LRRC4C: variants seen among roughly 807,000 people sequenced by gnomAD.
LRRC4C encodes leucine rich repeat containing 4C, also known as leucine-rich repeat-containing protein 4C.
Under a neutral mutation model 33.6 loss-of-function variants are expected in LRRC4C, and 5 were observed. The observed-to-expected ratio is 0.15, with a 90% confidence interval of 0.08 to 0.31. LRRC4C has a LOEUF of 0.31. Ranked by LOEUF, LRRC4C falls within the 10% of genes least tolerant of loss-of-function variation. LRRC4C has a pLI of 1.00. For synonymous variants in LRRC4C, 329 were observed against 302.0 expected (o/e 1.09, Z -0.93); for missense variants, 560 against 796.7 (o/e 0.70, Z 3.58).
chr11:41,126,685 A>G (rs1364854681), intron 1 of LRRC4C, among the ~76,000 whole-genome samples: 1 of 151,900 alleles, frequency 6.6e-6, no homozygotes, highest in Non-Finnish European at 1.5e-5. Flanking sequence ...AACAAGCAGA[A>G]GTTCGAAAAG....
chr11:40,951,599 C>T (rs1958693587), intron 1 of LRRC4C, among the ~76,000 whole-genome samples: 1 of 151,890 alleles, frequency 6.6e-6, no homozygotes, highest in Non-Finnish European at 1.5e-5. Context: ...CTTAAATATT[C>T]TAATTTACAT....
chr11:40,517,047 T>C (rs747821196), intron 3 of LRRC4C, among the ~76,000 whole-genome samples: 54 of 152,266 alleles, frequency 3.5e-4, no homozygotes, highest in Admixed American at 7.2e-4. Context: ...TTCCTATTCA[T>C]ACTGGTTCTG....
chr11:40,336,113 C>T (rs1946585893), intron 3 of LRRC4C, among the ~76,000 whole-genome samples: 1 of 152,158 alleles, frequency 6.6e-6, no homozygotes, highest in Non-Finnish European at 1.5e-5. Flanking sequence ...CAGACACTGT[C>T]CTAGATGATG....
intron 2 of LRRC4C, among the ~76,000 whole-genome samples, chr11:40,761,790 T>C (rs920815757): frequency 2.0e-5 from 3 of 152,186 alleles, no homozygotes; most frequent in African/African-American, 7.2e-5. Flanking sequence ...CAGGGAACAG[T>C]ACTGCGGTTC....
intron 3 of LRRC4C, among the ~76,000 whole-genome samples, chr11:40,527,238 A>G (rs912233844): frequency 6.6e-6 from 1 of 152,134 alleles, no homozygotes; most frequent in Non-Finnish European, 1.5e-5. Flanking sequence ...TCATCAAGCT[A>G]TTCACCTATG....
At position 41,325,575 on chromosome 11, in the gene LRRC4C, TTTTGTG is replaced by T. The variant is rs1427826822; in HGVS notation, c.-496+133850_-496+133855del. Among the ~76,000 whole-genome samples the T allele has an allele frequency of 1.4e-3, 164 of 117,530 alleles. 3 individuals carry two copies. In the East Asian group the frequency reaches 0.015, roughly 11 times the overall value. The allele number at this position is 117,530 out of a possible 152,430, so 77.1% of individuals were successfully genotyped here. ...AATTATTGTCCTTATAGTTTTTTTT[TTTTGTG>T]TGTGTGTGTGTGTGTGTGTGTGTGT... On this transcript the variant is annotated intron_variant, in intron 1 of 6. Transcript: ENST00000528697.
chr11:40,665,140 A>G (rs1943654781), intron 2 of LRRC4C, among the ~76,000 whole-genome samples: 1 of 151,342 alleles, frequency 6.6e-6, no homozygotes, highest in Non-Finnish European at 1.5e-5. Context: ...TAAATAAGCC[A>G]TGCAAAATAT....
At chr11:40,850,277 AC>A (rs1233779567) in intron 2 of LRRC4C, among the ~76,000 whole-genome samples, 1 of 151,652 alleles carries the variant, frequency 6.6e-6, no homozygotes, top group Non-Finnish European at 1.5e-5. Flanking sequence ...GGATTTATCT[AC>A]CTTTGATCTT....
chr11:41,329,117 TGGG>T (rs1052022228), intron 1 of LRRC4C, among the ~76,000 whole-genome samples: 3 of 152,208 alleles, frequency 2.0e-5, no homozygotes, highest in Admixed American at 2.0e-4. Flanking sequence ...TCTGGGTGCT[TGGG>T]GGAATATTTT....
chr11:40,198,523 C>T (rs778897500), intron 5 of LRRC4C, among the ~76,000 whole-genome samples: 11 of 152,234 alleles, frequency 7.2e-5, no homozygotes, highest in South Asian at 2.1e-4. Flanking sequence ...GCATGTAATC[C>T]GTTTCTATAT....
intron 1 of LRRC4C, among the ~76,000 whole-genome samples, chr11:41,301,786 T>A (rs1950296835): frequency 6.6e-6 from 1 of 152,172 alleles, no homozygotes; most frequent in African/African-American, 2.4e-5. Flanking sequence ...AGGCTAGTTC[T>A]CCTCTGTCTT....
intron 3 of LRRC4C, among the ~76,000 whole-genome samples, chr11:40,546,997 A>G (rs1327002220): frequency 1.3e-5 from 2 of 152,138 alleles, no homozygotes; most frequent in Admixed American, 6.5e-5. Context: ...TTACAGATAG[A>G]TAGTATTGAA....
rs1855393098 is a variant in LRRC4C, at chr11:40,115,889, C to T, written c.404G>A (p.Arg135His). ...AGCTCCATTCGGGATGGTAGTAAGA[C>T]GATTGTCAAAGAGTTCCAGAGTGTT... ...NLNTLELFDN[R>H]LTTIPNGAFV... The change falls in exon 7 of 7, where the codon CGT becomes CAT. Residue 135 changes from arginine to histidine, a missense_variant. Coordinates refer to ENST00000528697, the MANE Select transcript of LRRC4C (RefSeq NM_001258419.2). The surrounding 1 kb of genome is among the most constrained non-coding windows in gnomAD (Gnocchi z 6.7). The T allele has an allele frequency of 2.3e-5, 37 of 1,613,940 alleles. No homozygotes were observed. Among genetic ancestry groups the T allele is most frequent in the Non-Finnish European group, 2.9e-5 (34 of 1,180,020 alleles).
At chr11:40,496,995 T>C (rs1217131279) in intron 3 of LRRC4C, among the ~76,000 whole-genome samples, 1 of 152,170 alleles carries the variant, frequency 6.6e-6, no homozygotes, top group African/African-American at 2.4e-5. Flanking sequence ...AAGATCATCA[T>C]CCCCCTCAAA....
chr11:40,925,831 T>A (rs968506759), intron 2 of LRRC4C, among the ~76,000 whole-genome samples: 4 of 152,182 alleles, frequency 2.6e-5, no homozygotes, highest in African/African-American at 9.7e-5. Context: ...TTTTAGGCAC[T>A]GAGAGGATAA....
intron 2 of LRRC4C, among the ~76,000 whole-genome samples, chr11:40,908,199 G>A (rs1218104161): frequency 6.6e-6 from 1 of 152,076 alleles, no homozygotes; most frequent in African/African-American, 2.4e-5. Flanking sequence ...AACATAAATT[G>A]TGAAGAAGCC....
At chr11:41,242,357 C>T (rs1472981521) in intron 1 of LRRC4C, among the ~76,000 whole-genome samples, 1 of 152,022 alleles carries the variant, frequency 6.6e-6, no homozygotes, top group Non-Finnish European at 1.5e-5. Context: ...TCCCTCTTTG[C>T]TTTGAAATTT....
chr11:41,236,977 A>C (rs576845551), intron 1 of LRRC4C, among the ~76,000 whole-genome samples: 105 of 152,344 alleles, frequency 6.9e-4, no homozygotes, highest in African/African-American at 2.1e-3. Context: ...GGCAAAGCAC[A>C]TGCTTTCTAT....
chr11:40,707,318 G>T (rs1457064720), intron 2 of LRRC4C, among the ~76,000 whole-genome samples: 1 of 152,106 alleles, frequency 6.6e-6, no homozygotes, highest in Admixed American at 6.5e-5. Flanking sequence ...TCCAGTTTTT[G>T]CCCATTCAGT....
Sources: gnomAD v4.1 joint callset for allele counts (sites outside exome capture counted in the v4.1 genomes callset) on GRCh38, gnomAD v4.1.1 for gene constraint, Gnocchi (gnomAD v3.1) non-coding constraint, MANE v1.5 for transcripts, NCBI Gene and HGNC (gene_info 2026-07-23, HGNC 2026-07-21) for gene names.